Variants in CNTNAP2 observed in about 807,000 individuals in gnomAD.
The protein encoded by CNTNAP2 is contactin-associated protein-like 2.
In CNTNAP2, 98 loss-of-function variants were observed where a neutral mutation model predicts 155.2. The ratio of observed to expected loss-of-function variants is 0.63; its 90% CI spans 0.54 to 0.75. CNTNAP2 has a LOEUF of 0.75. Ranked by LOEUF, CNTNAP2 falls within the 30% of genes least tolerant of loss-of-function variation. The probability of loss-of-function intolerance (pLI) is 0.00; values close to 1 mark genes in which losing one functional copy is unlikely to be tolerated. For synonymous variants in CNTNAP2, 651 were observed against 631.2 expected (o/e 1.03, Z -0.47); for missense variants, 1,727 against 1,688.1 (o/e 1.02, Z -0.40).
intron 3 of CNTNAP2, among the ~76,000 whole-genome samples, chr7:146,918,905 G>C (rs1796446291): frequency 6.6e-6 from 1 of 152,100 alleles, no homozygotes; most frequent in Admixed American, 6.5e-5. Context: ...TTCTTTGTCA[G>C]ATTGGGTTAA....
chr7:148,128,308 C>T (rs1804756848), intron 16 of CNTNAP2, among the ~76,000 whole-genome samples: 1 of 152,126 alleles, frequency 6.6e-6, no homozygotes, highest in African/African-American at 2.4e-5. Flanking sequence ...AAAAGTGATT[C>T]TGACTTGGTC....
At chr7:146,991,799 C>T (rs922021522) in intron 3 of CNTNAP2, among the ~76,000 whole-genome samples, 3 of 151,986 alleles carry the variant, frequency 2.0e-5, no homozygotes, top group Admixed American at 6.6e-5. Context: ...TGAAATCTTC[C>T]GTGTTGTTAT....
chr7:147,133,453 T>C (rs1801416756), intron 8 of CNTNAP2, among the ~76,000 whole-genome samples: 1 of 152,032 alleles, frequency 6.6e-6, no homozygotes, highest in Non-Finnish European at 1.5e-5. Context: ...TTTCTGAATA[T>C]GCCATATACT....
chr7:146,664,409 T>C (rs2642508), intron 1 of CNTNAP2, among the ~76,000 whole-genome samples: 122,720 of 151,760 alleles, frequency 0.81, 50,220 homozygotes, highest in South Asian at 0.91. Context: ...AATCTGCCCA[T>C]CTCAGCCTCC....
chr7:146,703,536 G>A (rs1800912963), intron 1 of CNTNAP2, among the ~76,000 whole-genome samples: 1 of 151,932 alleles, frequency 6.6e-6, no homozygotes, highest in Non-Finnish European at 1.5e-5. Context: ...TCATAAACTG[G>A]GTGGCTTATA....
chr7:147,108,364 G>C lies in CNTNAP2; in HGVS notation c.754+14G>C, dbSNP rs745882468. Reference sequence around the variant, plus strand: ...GTTTAAACTTAGGTGTGTTCTGACTGTCAGTTCTATTCTTTCCGTTATGGA... The same window carrying C: ...GTTTAAACTTAGGTGTGTTCTGACTCTCAGTTCTATTCTTTCCGTTATGGA... On this transcript the variant is annotated intron_variant, in intron 5 of 23. Coordinates refer to ENST00000361727, the MANE Select transcript of CNTNAP2 (RefSeq NM_014141.6). 6 of 1,607,760 alleles carry C rather than the reference G, an allele frequency of 3.7e-6. No individual in the cohort carries two copies. The highest frequency in any genetic ancestry group is 1.3e-5 in the African/African-American group (1 of 74,864).
At chr7:148,071,196 G>A (rs1803373771) in intron 15 of CNTNAP2, among the ~76,000 whole-genome samples, 1 of 152,128 alleles carries the variant, frequency 6.6e-6, no homozygotes, top group Non-Finnish European at 1.5e-5. Context: ...GGAGAATCTT[G>A]CCAGGTGCAG....
chr7:147,539,470 G>A (rs765016331), intron 11 of CNTNAP2, among the ~76,000 whole-genome samples: 240 of 152,238 alleles, frequency 1.6e-3, no homozygotes, highest in Non-Finnish European at 2.0e-3. Context: ...AGACAGTGAC[G>A]CTATCCACTC....
chr7:147,449,503 G>A (rs1797796314), intron 10 of CNTNAP2, among the ~76,000 whole-genome samples: 1 of 152,054 alleles, frequency 6.6e-6, no homozygotes, highest in Non-Finnish European at 1.5e-5. Flanking sequence ...TAGACGATAA[G>A]ATATTATCCA....
At chr7:148,076,557 T>A (rs1279728313) in intron 15 of CNTNAP2, among the ~76,000 whole-genome samples, 1 of 144,814 alleles carries the variant, frequency 6.9e-6, no homozygotes, top group African/African-American at 2.6e-5. Flanking sequence ...TGCCTCAGCC[T>A]CCCGAGCAGC....
intron 8 of CNTNAP2, among the ~76,000 whole-genome samples, chr7:147,191,501 T>C (rs1802679971): frequency 1.3e-5 from 2 of 152,142 alleles, no homozygotes; most frequent in Non-Finnish European, 2.9e-5. Flanking sequence ...TGGCTTATTT[T>C]CCTGGTGGCA....
intron 13 of CNTNAP2, among the ~76,000 whole-genome samples, chr7:147,746,624 C>T (rs2116495993): frequency 6.6e-6 from 1 of 152,214 alleles, no homozygotes; most frequent in Middle Eastern, 3.4e-3. Flanking sequence ...GGGAAGCTTT[C>T]TTGGCCACCA....
At position 148,119,290 on chromosome 7, in the gene CNTNAP2, G is replaced by A. The variant is rs182001504; in HGVS notation, c.2554+1002G>A. Among the ~76,000 whole-genome samples the A allele has an allele frequency of 4.6e-3, 693 of 152,056 alleles. 6 individuals are homozygous for A. The highest frequency in any genetic ancestry group is 7.6e-3 in the Non-Finnish European group (520 of 67,982). ...TGTAATCCCACCACTTTGGGAGGCTGATTTGGGTGGATCACGAGGTCAGGA... is the reference window on the plus strand; with the variant it reads ...TGTAATCCCACCACTTTGGGAGGCTAATTTGGGTGGATCACGAGGTCAGGA... On this transcript the variant is annotated intron_variant, in intron 16 of 23. Transcript: ENST00000361727.
At chr7:146,889,791 A>G (rs1295158151) in intron 3 of CNTNAP2, among the ~76,000 whole-genome samples, 2 of 152,140 alleles carry the variant, frequency 1.3e-5, no homozygotes, top group Non-Finnish European at 2.9e-5. Flanking sequence ...ATTACCAGGC[A>G]TGTCTGTCTT....
intron 10 of CNTNAP2, among the ~76,000 whole-genome samples, chr7:147,460,024 G>A (rs1797992594): frequency 6.6e-6 from 1 of 152,072 alleles, no homozygotes; most frequent in Non-Finnish European, 1.5e-5. Context: ...AATAGCATTA[G>A]GAGAAATACC....
chr7:147,186,697 A>G (rs1050075037), intron 8 of CNTNAP2, among the ~76,000 whole-genome samples: 4 of 152,152 alleles, frequency 2.6e-5, no homozygotes, highest in Non-Finnish European at 5.9e-5. Flanking sequence ...GAAGGTAGAA[A>G]AGATGTTTCA....
At chr7:146,647,052 C>A (rs1799824107) in intron 1 of CNTNAP2, among the ~76,000 whole-genome samples, 2 of 152,170 alleles carry the variant, frequency 1.3e-5, no homozygotes, top group Admixed American at 1.3e-4. Context: ...CGGCCATATG[C>A]CCTATGCCCT....
intron 3 of CNTNAP2, among the ~76,000 whole-genome samples, chr7:146,954,606 T>C (rs1238652749): frequency 3.3e-5 from 5 of 151,946 alleles, no homozygotes; most frequent in East Asian, 1.9e-4. Context: ...ATATTTTTTT[T>C]CCCTATTCTG....
chr7:146,513,920 A>G (rs1327354258), intron 1 of CNTNAP2, among the ~76,000 whole-genome samples: 1 of 151,992 alleles, frequency 6.6e-6, no homozygotes, highest in Non-Finnish European at 1.5e-5. Context: ...AAAGCTCCTC[A>G]TTCCTTCAGG....
Sources: allele counts gnomAD v4.1 joint callset (sites outside exome capture counted in the v4.1 genomes callset), GRCh38; gene constraint gnomAD v4.1.1; transcripts MANE v1.5; gene names NCBI Gene and HGNC (gene_info 2026-07-23, HGNC 2026-07-21).